Variants in DMD observed in about 807,000 individuals in gnomAD.
DMD encodes the protein dystrophin, also known as mutant dystrophin.
In DMD, 63 loss-of-function variants were observed where a neutral mutation model predicts 330.1. The ratio of observed to expected loss-of-function variants is 0.19; its 90% confidence interval spans 0.16 to 0.24. The LOEUF is 0.24. DMD is among the 10% of genes least tolerant of loss of function. The pLI, the probability that DMD is intolerant of heterozygous loss-of-function variation, is 1.00. For missense variants in DMD, 3,344 were observed against 2,684.1 expected (o/e 1.25, Z -5.43); for synonymous variants, 1,223 against 959.8 (o/e 1.27, Z -5.07).
intron 6 of DMD, among the ~76,000 whole-genome samples, 199 bp downstream of exon 6, chrX:32,816,269 C>T (rs1239897552): frequency 8.9e-6 from 1 of 111,978 alleles, no homozygotes; most frequent in Non-Finnish European, 1.9e-5. Flanking sequence ...GTTTCAACAA[C>T]TGAATTATAT....
intron 47 of DMD, among the ~76,000 whole-genome samples, chrX:31,925,302 T>C (rs1262660668): frequency 8.9e-6 from 1 of 112,017 alleles, no homozygotes; most frequent in Non-Finnish European, 1.9e-5. Context: ...AATAGAAAGC[T>C]ACATGGTCTC....
At position 32,483,820 on chromosome X, in the gene DMD, C is replaced by CAAAAAA. The variant is rs770119472; in HGVS notation, c.2803+1093_2803+1098dup. ...CCTTAGCAAAAACGACTCTGAAGTA[C>CAAAAAA]AAAAAAAAAAAAAAAAAAAAAAAGT... On this transcript the variant is annotated intron_variant, in intron 21 of 78. Coordinates refer to ENST00000357033, the MANE Select transcript of DMD (RefSeq NM_004006.3). Among the ~76,000 whole-genome samples, 33 of 37,241 alleles carry CAAAAAA rather than the reference C, an allele frequency of 8.9e-4. 2 individuals are homozygous for CAAAAAA. The highest frequency in any genetic ancestry group is 3.1e-3 in the African/African-American group (26 of 8,362). 32.3% of individuals were successfully genotyped at this position (37,241 alleles called of 115,157 possible). A position where few individuals can be genotyped will look rare whatever the true frequency, so the allele number is the denominator to read the frequency against.
chrX:33,316,932 A>G (rs2053940442), intron 1 of DMD, among the ~76,000 whole-genome samples: 1 of 111,164 alleles, frequency 9.0e-6, no homozygotes, highest in Admixed American at 9.7e-5. Flanking sequence ...TATCTCATAT[A>G]TATATTGTTA....
intron 44 of DMD, among the ~76,000 whole-genome samples, chrX:32,029,385 C>A (rs754775628): frequency 9.0e-6 from 1 of 111,089 alleles, no homozygotes; most frequent in South Asian, 3.8e-4. Flanking sequence ...ATAATCAACA[C>A]CATAGGCAAT....
At chrX:32,536,133 C>T (rs923457671) in intron 17 of DMD, among the ~76,000 whole-genome samples, 5 of 109,240 alleles carry the variant, frequency 4.6e-5, no homozygotes, top group African/African-American at 1.7e-4. Context: ...GGCATGGTGG[C>T]CCTTGCCTGT....
chrX:31,166,779 C>T (rs1432241389), intron 74 of DMD, among the ~76,000 whole-genome samples: 5 of 111,373 alleles, frequency 4.5e-5, no homozygotes, highest in Admixed American at 2.9e-4. Flanking sequence ...GGAGACATTT[C>T]TTTGGAATTT....
At chrX:32,239,596 C>A (rs186333003) in intron 43 of DMD, among the ~76,000 whole-genome samples, 1 of 111,520 alleles carries the variant, frequency 9.0e-6, no homozygotes, top group African/African-American at 3.3e-5. Flanking sequence ...TGGGTTTGGA[C>A]AAATATATAA....
intron 16 of DMD, 76 bp downstream of exon 16, chrX:32,565,626 T>G: frequency 1.9e-6 from 2 of 1,035,146 alleles, no homozygotes; most frequent in Non-Finnish European, 2.7e-6. Context: ...TTTTGTAGGG[T>G]TATAATGTCA....
chrX:32,382,847 G>C (rs1223712766), intron 33 of DMD, among the ~76,000 whole-genome samples: 1 of 110,397 alleles, frequency 9.1e-6, no homozygotes, highest in African/African-American at 3.3e-5. Flanking sequence ...TTTATTTCCA[G>C]CTAAATACAT....
chrX:32,567,373 G>A, intron 15 of DMD, among the ~76,000 whole-genome samples: 1 of 111,875 alleles, frequency 8.9e-6, no homozygotes, highest in Middle Eastern at 4.6e-3. Context: ...AACTCACGGT[G>A]TGGGGGTTTA....
At chrX:31,425,167 A>G (rs1487740802) in intron 60 of DMD, among the ~76,000 whole-genome samples, 1 of 111,959 alleles carries the variant, frequency 8.9e-6, no homozygotes, top group Non-Finnish European at 1.9e-5. Flanking sequence ...AACTTGTCTA[A>G]ATTTCATTAC....
intron 2 of DMD, among the ~76,000 whole-genome samples, chrX:32,876,569 C>T (rs756940118): frequency 8.9e-6 from 1 of 111,831 alleles, no homozygotes; most frequent in Non-Finnish European, 1.9e-5. Flanking sequence ...AAAAGTCCCT[C>T]CTGATCTTGC....
intron 47 of DMD, among the ~76,000 whole-genome samples, chrX:31,927,576 C>T (rs971211799): frequency 9.0e-6 from 1 of 111,115 alleles, no homozygotes. Flanking sequence ...ACCTTCCCTC[C>T]ATACATAAAA....
rs761053756 is a variant in DMD at position 32,299,542 on chromosome X, T to A, written c.6117+10540A>T. ...TTTTTTTTTTTTTACCCTTACTGAC[T>A]TTGTATCTTTAACTTTGAAAACATT... On this transcript the variant is annotated intron_variant, in intron 42 of 78. Transcript: ENST00000357033. Among the ~76,000 whole-genome samples the A allele has an allele frequency of 7.3e-5, 8 of 109,462 alleles. No individual in the cohort carries two copies. In the East Asian group the frequency reaches 2.3e-3, roughly 31 times the overall value.
intron 2 of DMD, among the ~76,000 whole-genome samples, chrX:32,864,555 G>A (rs1165552931): frequency 8.9e-6 from 1 of 111,864 alleles, no homozygotes; most frequent in African/African-American, 3.3e-5. Flanking sequence ...CCTAATTGTA[G>A]GTCCCATTTG....
At chrX:32,401,718 C>T (rs766084256) in intron 30 of DMD, among the ~76,000 whole-genome samples, 2 of 112,146 alleles carry the variant, frequency 1.8e-5, no homozygotes, top group African/African-American at 6.5e-5. Flanking sequence ...AAGAGTACAA[C>T]TGAATTTTTT....
chrX:32,114,099 C>A (rs2096600191), intron 44 of DMD, among the ~76,000 whole-genome samples: 1 of 112,102 alleles, frequency 8.9e-6, no homozygotes, highest in African/African-American at 3.2e-5. Context: ...TGTTTAACTT[C>A]CAGCTACAAC....
At chrX:33,115,503 A>T (rs1408463727) in intron 1 of DMD, among the ~76,000 whole-genome samples, 4 of 110,344 alleles carry the variant, frequency 3.6e-5, no homozygotes, top group African/African-American at 1.3e-4. Context: ...ATGGTTGTAA[A>T]AGACAACATT....
At chrX:32,974,139 C>T (rs2092470096) in intron 2 of DMD, among the ~76,000 whole-genome samples, 1 of 111,676 alleles carries the variant, frequency 9.0e-6, no homozygotes, top group Non-Finnish European at 1.9e-5. Flanking sequence ...ATACATTCTA[C>T]AATATGAATG....
Sources: gnomAD v4.1 joint callset for allele counts (sites outside exome capture counted in the v4.1 genomes callset) on GRCh38, gnomAD v4.1.1 for gene constraint, MANE v1.5 for transcripts, NCBI Gene and HGNC (gene_info 2026-07-23, HGNC 2026-07-21) for gene names.